SLC35F4: variants seen among roughly 807,000 people sequenced by gnomAD.
The protein encoded by SLC35F4 is solute carrier family 35 member F4.
Under a neutral mutation model 44.2 loss-of-function variants are expected in SLC35F4, and 24 were observed. The ratio of observed to expected loss-of-function variants is 0.54; its 90% CI spans 0.39 to 0.76. SLC35F4 has a LOEUF of 0.76. Ranked by LOEUF, SLC35F4 falls within the 30% of genes least tolerant of loss-of-function variation. The pLI is 0.00. For missense variants in SLC35F4, 562 were observed against 586.1 expected (o/e 0.96, Z 0.42); for synonymous variants, 238 against 223.6 (o/e 1.06, Z -0.57).
intron 1 of SLC35F4, among the ~76,000 whole-genome samples, chr14:57,790,213 G>A (rs1209318561): frequency 6.6e-6 from 1 of 152,190 alleles, no homozygotes; most frequent in African/African-American, 2.4e-5. Flanking sequence ...ATCTCTGTTT[G>A]CAGATGACAT....
At chr14:57,644,366 C>A (rs924453914) in intron 1 of SLC35F4, among the ~76,000 whole-genome samples, 1 of 152,084 alleles carries the variant, frequency 6.6e-6, no homozygotes, top group Non-Finnish European at 1.5e-5. Context: ...CTCTGATGGC[C>A]AGTGATGATG....
chr14:57,589,923 C>G (rs1256593925), intron 2 of SLC35F4, among the ~76,000 whole-genome samples: 2 of 152,206 alleles, frequency 1.3e-5, no homozygotes, highest in South Asian at 4.1e-4. Context: ...AAGGTCCTAC[C>G]AGCTCTCTTG....
chr14:57,708,351 C>T (rs534641097), intron 1 of SLC35F4, among the ~76,000 whole-genome samples: 1 of 152,286 alleles, frequency 6.6e-6, no homozygotes, highest in African/African-American at 2.4e-5. Context: ...AACTCTGATC[C>T]CCAATTGCTC....
At chr14:57,672,922 G>A (rs2074567600) in intron 1 of SLC35F4, among the ~76,000 whole-genome samples, 1 of 151,498 alleles carries the variant, frequency 6.6e-6, no homozygotes, top group African/African-American at 2.4e-5. Context: ...TTTGCACAGT[G>A]TCTTCTCCCA....
At chr14:57,644,952 A>G (rs983152455) in intron 1 of SLC35F4, among the ~76,000 whole-genome samples, 3 of 152,140 alleles carry the variant, frequency 2.0e-5, no homozygotes, top group Non-Finnish European at 4.4e-5. Flanking sequence ...ATTATTTCTG[A>G]GAGCTCTGTT....
chr14:57,594,916 CAT>C (rs2070404605), intron 1 of SLC35F4, among the ~76,000 whole-genome samples: 1 of 152,196 alleles, frequency 6.6e-6, no homozygotes, highest in African/African-American at 2.4e-5. Flanking sequence ...AATATAGTCA[CAT>C]AGGGTGCTGT....
intron 1 of SLC35F4, among the ~76,000 whole-genome samples, chr14:57,656,188 G>A (rs1314872392): frequency 6.6e-6 from 1 of 151,892 alleles, no homozygotes; most frequent in East Asian, 1.9e-4. Flanking sequence ...TTAACCACAT[G>A]AGGCTACTGG....
chr14:57,604,168 C>A (rs1263888512), intron 1 of SLC35F4: 1 of 152,166 alleles, frequency 6.6e-6, no homozygotes, highest in African/African-American at 2.4e-5. Flanking sequence ...AACATCACTT[C>A]TCTTCTGTAT....
intron 1 of SLC35F4, among the ~76,000 whole-genome samples, chr14:57,709,629 G>A (rs1317521527): frequency 6.6e-6 from 1 of 152,064 alleles, no homozygotes; most frequent in African/African-American, 2.4e-5. Context: ...GAATAAAGGT[G>A]CTCTTGCTAT....
chr14:57,689,181 T>C (rs1304051452), intron 1 of SLC35F4, among the ~76,000 whole-genome samples: 6 of 152,158 alleles, frequency 3.9e-5, no homozygotes, highest in Admixed American at 2.0e-4. Context: ...TGTTGGCTTT[T>C]CCTATATTGT....
intron 1 of SLC35F4, among the ~76,000 whole-genome samples, chr14:57,737,185 G>C (rs1983737): frequency 0.45 from 68,275 of 151,460 alleles, 15,806 homozygotes; most frequent in South Asian, 0.56. Flanking sequence ...GGCAAGGTAC[G>C]CCTAAAGTAG....
intron 1 of SLC35F4, among the ~76,000 whole-genome samples, chr14:57,719,492 T>G (rs1224741642): frequency 6.6e-6 from 1 of 152,256 alleles, no homozygotes; most frequent in African/African-American, 2.4e-5. Context: ...CTCTTCAATT[T>G]CTTTGACCAG....
chr14:57,884,602 A>G (rs1422479765), intron 1 of SLC35F4, among the ~76,000 whole-genome samples: 2 of 152,172 alleles, frequency 1.3e-5, no homozygotes, highest in African/African-American at 2.4e-5. Context: ...CCTCATGCCA[A>G]TGTATACAGA....
intron 1 of SLC35F4, among the ~76,000 whole-genome samples, chr14:57,704,986 T>C (rs1176237888): frequency 2.0e-5 from 3 of 152,152 alleles, no homozygotes; most frequent in Non-Finnish European, 4.4e-5. Flanking sequence ...TTACTAGCAA[T>C]AGAATGTCAC....
chr14:57,650,531 C>G (rs2073741664), intron 1 of SLC35F4, among the ~76,000 whole-genome samples: 1 of 152,110 alleles, frequency 6.6e-6, no homozygotes, highest in Non-Finnish European at 1.5e-5. Context: ...ATGTCTGTCA[C>G]CTAATTCATA....
intron 1 of SLC35F4, among the ~76,000 whole-genome samples, chr14:57,743,249 AT>A (rs1275989899): frequency 1.3e-5 from 2 of 152,148 alleles, no homozygotes; most frequent in Admixed American, 6.6e-5. Context: ...AAATAGAGAC[AT>A]AAAAAAACCC....
chr14:57,612,669 C>A (rs1043004188), intron 1 of SLC35F4, among the ~76,000 whole-genome samples: 1 of 152,092 alleles, frequency 6.6e-6, no homozygotes, highest in African/African-American at 2.4e-5. Flanking sequence ...GCTCACTGAC[C>A]CTTGGGGAGA....
At chr14:57,943,910 G>A (rs1263236406) in intron 1 of SLC35F4, among the ~76,000 whole-genome samples, 1 of 152,194 alleles carries the variant, frequency 6.6e-6, no homozygotes, top group Non-Finnish European at 1.5e-5. Context: ...AGACTGAACA[G>A]TTTCATTAAC....
At position 57,841,519 on chromosome 14, in the gene SLC35F4, G is replaced by A. The variant is rs139928706; in HGVS notation, c.103+24204C>T. ...AATTTGGTTAAATGGAAACAAAGAC[G>A]ACTCTGTACTTGGAATAGGCACATG... is the stretch of plus-strand genomic sequence containing the variant. On this transcript the variant is annotated intron_variant, in intron 1 of 7. Coordinates refer to ENST00000556826, the MANE Select transcript of SLC35F4 (RefSeq NM_001306087.2). Among the ~76,000 whole-genome samples, 219 of 152,268 alleles carry A rather than the reference G, an allele frequency of 1.4e-3. 1 individual carries two copies. In the East Asian group the frequency reaches 0.027, roughly 19 times the overall value.
Sources: gnomAD v4.1 joint callset for allele counts (sites outside exome capture counted in the v4.1 genomes callset) on GRCh38, gnomAD v4.1.1 for gene constraint, MANE v1.5 for transcripts, NCBI Gene and HGNC (gene_info 2026-07-23, HGNC 2026-07-21) for gene names.